Variants in ZC3H12B observed in about 807,000 individuals in gnomAD.
ZC3H12B encodes probable ribonuclease ZC3H12B.
In ZC3H12B, 7 loss-of-function variants were observed where a neutral mutation model predicts 43.9. The observed-to-expected ratio is 0.16, with a 90% CI of 0.09 to 0.30. The LOEUF (loss-of-function observed/expected upper bound fraction) is 0.30. Among genes scored for constraint, ZC3H12B ranks in the 10% least tolerant of loss-of-function variants. The pLI is 1.00. For missense variants in ZC3H12B, 475 were observed against 670.2 expected, an observed-to-expected ratio of 0.71 and a Z score of 3.22; for synonymous variants, 222 against 241.7, an observed-to-expected ratio of 0.92 and a Z score of 0.76.
chrX:65,215,610 T>G, the ZC3H12B span, among the ~76,000 whole-genome samples: 1 of 111,433 alleles, frequency 9.0e-6, no homozygotes, highest in Middle Eastern at 4.6e-3. Context: ...TCCAGACCAC[T>G]AAAACTTTCT....
chrX:65,491,497 A>G (rs755302088), intron 1 of ZC3H12B, among the ~76,000 whole-genome samples: 2 of 110,726 alleles, frequency 1.8e-5, no homozygotes, highest in African/African-American at 6.6e-5. Context: ...GCTTGAGCCC[A>G]GGACTTCAAG....
chrX:65,362,702 C>T (rs1156252618), upstream of ZC3H12B, among the ~76,000 whole-genome samples: 1 of 111,206 alleles, frequency 9.0e-6, no homozygotes, highest in Non-Finnish European at 1.9e-5. Context: ...TCCCATCCCA[C>T]AGCATGCTTT....
At chrX:65,107,336 A>G in the ZC3H12B span, among the ~76,000 whole-genome samples, 1 of 111,234 alleles carries the variant, frequency 9.0e-6, no homozygotes, top group Non-Finnish European at 1.9e-5. Flanking sequence ...GTCATCAGTT[A>G]TGAGACAATA....
the ZC3H12B span, chrX:65,272,293 T>C: frequency 6.1e-5 from 5 of 81,649 alleles, no homozygotes; most frequent in African/African-American, 9.0e-4. Flanking sequence ...AAACTGGAGA[T>C]AACATCCTGC....
At chrX:65,331,369 G>A in the ZC3H12B span, 1 of 113,128 alleles carries the variant, frequency 8.8e-6, no homozygotes, top group Non-Finnish European at 1.9e-5. Flanking sequence ...ATTGAGATAA[G>A]TGAAATAAGC....
At chrX:65,458,267 T>C (rs1246216413) in intron 3 of ZC3H12B, among the ~76,000 whole-genome samples, 2 of 109,439 alleles carry the variant, frequency 1.8e-5, no homozygotes, top group African/African-American at 6.7e-5. Context: ...ATGGGAGACT[T>C]GAACACCCCA....
the ZC3H12B span, among the ~76,000 whole-genome samples, chrX:65,077,148 G>T: frequency 9.0e-6 from 1 of 111,549 alleles, no homozygotes; most frequent in Admixed American, 9.5e-5. Context: ...ATTCTGATGT[G>T]TTTTGTCTTT....
At chrX:65,340,691 GA>G in the ZC3H12B span, among the ~76,000 whole-genome samples, 4 of 111,669 alleles carry the variant, frequency 3.6e-5, no homozygotes, top group African/African-American at 1.3e-4. Context: ...TAGGATAAAA[GA>G]AAAAAACTCA....
the ZC3H12B span, among the ~76,000 whole-genome samples, chrX:65,170,260 C>T: frequency 1.8e-5 from 2 of 111,513 alleles, no homozygotes; most frequent in African/African-American, 6.5e-5. Context: ...ACTTGTTTGT[C>T]TGTAAAGTAT....
the ZC3H12B span, among the ~76,000 whole-genome samples, chrX:65,275,551 A>T: frequency 5.3e-5 from 6 of 112,567 alleles, no homozygotes; most frequent in Admixed American, 1.9e-4. Flanking sequence ...TCCACCACAA[A>T]CTCAGCCTAA....
chrX:65,302,709 CT>C, the ZC3H12B span, among the ~76,000 whole-genome samples: 2 of 111,777 alleles, frequency 1.8e-5, no homozygotes, highest in African/African-American at 6.5e-5. Flanking sequence ...CAACTTAGAA[CT>C]GAAGAACAAG....
At chrX:65,390,689 A>G (rs1261288755) in intron 2 of ZC3H12B, among the ~76,000 whole-genome samples, 2 of 109,154 alleles carry the variant, frequency 1.8e-5, no homozygotes, top group Non-Finnish European at 3.8e-5. Flanking sequence ...TATATCAACA[A>G]ACACCAGACA....
At chrX:65,407,238 C>T (rs2066840845) in intron 3 of ZC3H12B, among the ~76,000 whole-genome samples, 2 of 112,257 alleles carry the variant, frequency 1.8e-5, no homozygotes, top group Admixed American at 9.2e-5. Context: ...GGCGAGTGCG[C>T]GCGAGGCGCG....
At chrX:65,328,837 T>C in the ZC3H12B span, among the ~76,000 whole-genome samples, 1 of 108,137 alleles carries the variant, frequency 9.2e-6, no homozygotes, top group Non-Finnish European at 1.9e-5. Context: ...CTGAGAATGA[T>C]GGTTTCCAGC....
intron 3 of ZC3H12B, among the ~76,000 whole-genome samples, chrX:65,451,268 T>G (rs2067506189): frequency 9.0e-6 from 1 of 110,855 alleles, no homozygotes; most frequent in Non-Finnish European, 1.9e-5. Flanking sequence ...TTGTTTTTGT[T>G]TTTGTTTTTT....
chrX:65,495,871 ATTT>A (rs1190035703), intron 1 of ZC3H12B, among the ~76,000 whole-genome samples: 1 of 110,489 alleles, frequency 9.1e-6, no homozygotes, highest in Non-Finnish European at 1.9e-5. Context: ...GAATACTTGA[ATTT>A]TTTTTTCTTT....
the ZC3H12B span, among the ~76,000 whole-genome samples, chrX:65,216,399 C>T: frequency 9.0e-6 from 1 of 111,220 alleles, no homozygotes; most frequent in Admixed American, 9.6e-5. Context: ...CAGAACTTTG[C>T]TGGTGTCCAT....
the ZC3H12B span, among the ~76,000 whole-genome samples, chrX:65,217,582 G>C: frequency 8.9e-6 from 1 of 112,076 alleles, no homozygotes; most frequent in Non-Finnish European, 1.9e-5. Flanking sequence ...AAGGAAATCA[G>C]AATTCAATCA....
At chrX:65,460,056 C>T (rs1389347027) in intron 3 of ZC3H12B, among the ~76,000 whole-genome samples, 1 of 111,755 alleles carries the variant, frequency 8.9e-6, no homozygotes, top group African/African-American at 3.3e-5. Flanking sequence ...CATTTTTATA[C>T]ACTAATAACA....
Sources: gnomAD v4.1 joint callset for allele counts (sites outside exome capture counted in the v4.1 genomes callset) on GRCh38, gnomAD v4.1.1 for gene constraint, MANE v1.5 for transcripts, NCBI Gene and HGNC (gene_info 2026-07-23, HGNC 2026-07-21) for gene names.